The following CDHR3 variants were observed in gnomAD, a reference collection of about 807,000 sequenced individuals.
CDHR3 encodes cadherin related family member 3, also known as cadherin-related family member 3.
CDHR3 carries 79 observed loss-of-function variants against 86.6 expected under a neutral mutation model. That is an observed-to-expected ratio of 0.91 (90% CI 0.76 to 1.10). CDHR3 has a LOEUF of 1.10. CDHR3 is among the 50% of genes least tolerant of loss of function. The pLI is 0.00. For synonymous variants in CDHR3, 421 were observed against 402.4 expected, an observed-to-expected ratio of 1.05 and a Z score of -0.55; for missense variants, 1,081 against 1,077.6, an observed-to-expected ratio of 1.00 and a Z score of -0.04.
At position 106,035,739 on chromosome 7, in the gene CDHR3, G is replaced by T. The variant is rs1360163339; in HGVS notation, c.*3042G>T. 6.6e-6 allele frequency: 1 copy of T among 152,148 alleles called. No homozygotes were observed. The highest frequency in any genetic ancestry group is 1.5e-5 in the Non-Finnish European group (1 of 68,036). The allele number at this position is 152,148 out of a possible 1,614,324, so 9.4% of individuals were successfully genotyped here. A position where few individuals can be genotyped will look rare whatever the true frequency, so the allele number is the denominator to read the frequency against. On this transcript the variant is annotated 3_prime_UTR_variant, in exon 19 of 19. Transcript: ENST00000317716. ...AGGAAGCAACCAATCAGAGACTGAAGTGGAGTTACAAAGGTCACGCTCCTG... is the reference window on the plus strand; with the variant it reads ...AGGAAGCAACCAATCAGAGACTGAATTGGAGTTACAAAGGTCACGCTCCTG...
chr7:106,004,809 A>C, intron 8 of CDHR3, 122 bp downstream of exon 8: 1 of 919,240 alleles, frequency 1.1e-6, no homozygotes, highest in Non-Finnish European at 1.7e-6. Context: ...CAGTAGAATA[A>C]ATCGATGTGA....
intron 1 of CDHR3, among the ~76,000 whole-genome samples, chr7:105,974,439 C>G (rs1411116038): frequency 2.6e-5 from 4 of 152,224 alleles, no homozygotes; most frequent in Non-Finnish European, 5.9e-5. Flanking sequence ...GGAAAACAAA[C>G]TCTTGTAAGC....
intron 4 of CDHR3, among the ~76,000 whole-genome samples, chr7:105,991,917 A>G (rs1300825033): frequency 1.3e-5 from 2 of 152,150 alleles, no homozygotes; most frequent in Non-Finnish European, 2.9e-5. Context: ...CCCTAGTATT[A>G]TTACTCTTTG....
chr7:105,997,717 A>G (rs1318675424), intron 6 of CDHR3, among the ~76,000 whole-genome samples: 1 of 152,120 alleles, frequency 6.6e-6, no homozygotes, highest in East Asian at 1.9e-4. Context: ...AAAGGGGAAA[A>G]TAATAAGTCC....
chr7:106,014,657 A>T (rs1039365047), intron 9 of CDHR3, among the ~76,000 whole-genome samples: 2 of 152,188 alleles, frequency 1.3e-5, no homozygotes, highest in African/African-American at 4.8e-5. Flanking sequence ...AAAACCAGTT[A>T]TGTGAATATG....
chr7:106,029,426 A>G (rs1467615529), intron 17 of CDHR3, among the ~76,000 whole-genome samples: 1 of 152,180 alleles, frequency 6.6e-6, no homozygotes, highest in Admixed American at 6.5e-5. Flanking sequence ...CCTCACCTGT[A>G]AAATGGGGGT....
chr7:106,032,401 GA>G lies in CDHR3; in HGVS notation c.2365del (p.Thr789HisfsTer17). On this transcript the variant is annotated frameshift_variant, in exon 19 of 19. Coordinates refer to ENST00000317716, the MANE Select transcript of CDHR3 (RefSeq NM_152750.5). LOFTEE classifies it high-confidence loss of function. ...TATTTTTTTTTCACTAGTGACCGGG[GA>G]AACATATGAATTCAACTCAAAAACT... ...DGEAIDPVTG[E>X]TYEFNSKTGA... is the part of the protein sequence containing the mutation. 1 of 1,606,002 alleles carries G rather than the reference GA, an allele frequency of 6.2e-7. No individual in the cohort carries two copies. Among genetic ancestry groups the G allele is most frequent in the African/African-American group, 1.3e-5 (1 of 74,692 alleles).
Position 106,003,989 on chromosome 7 carries a change from C to CAA in CDHR3, c.863-488_863-487dup, listed in dbSNP as rs55815648. Among the ~76,000 whole-genome samples the CAA allele has an allele frequency of 7.0e-3, 559 of 79,888 alleles. 6 individuals carry two copies. The highest frequency in any genetic ancestry group is 0.012 in the South Asian group (21 of 1,708). 52.4% of individuals were successfully genotyped at this position (79,888 alleles called of 152,430 possible). On this transcript the variant is annotated intron_variant, in intron 7 of 18. Coordinates refer to ENST00000317716, the MANE Select transcript of CDHR3 (RefSeq NM_152750.5). ...AGAAACTAAGGTAAACCAACCTAAC[C>CAA]AAAAAAAAAAAAAAAAAAAAAAGAA... is the stretch of plus-strand genomic sequence containing the variant.
intron 8 of CDHR3, among the ~76,000 whole-genome samples, chr7:106,009,370 C>A (rs903247602): frequency 1.3e-5 from 2 of 152,180 alleles, no homozygotes; most frequent in African/African-American, 4.8e-5. Flanking sequence ...GCTGAGAAGC[C>A]CTGACCTGCA....
intron 7 of CDHR3, 91 bp from the exon 8 acceptor site, chr7:106,004,407 T>G: frequency 1.0e-6 from 1 of 974,096 alleles, no homozygotes; most frequent in Non-Finnish European, 1.5e-6. Context: ...CTCTTCCTCA[T>G]GTTCGAATGG....
At chr7:106,016,250 C>A (rs976942400) in intron 11 of CDHR3, among the ~76,000 whole-genome samples, 1 of 152,210 alleles carries the variant, frequency 6.6e-6, no homozygotes, top group Non-Finnish European at 1.5e-5. Flanking sequence ...GGTTAAACTG[C>A]ATTTCTCAGA....
At position 106,024,411 on chromosome 7, in the gene CDHR3, AACGTTT is replaced by A; in HGVS notation, c.2110_2115del (p.Val704_Tyr705del). 1 of 1,613,944 alleles carries A rather than the reference AACGTTT, an allele frequency of 6.2e-7. No homozygotes were observed. The highest frequency in any genetic ancestry group is 8.5e-7 in the Non-Finnish European group (1 of 1,179,868). ...GGTCACCTATCAGGTCCTGAGGAAA[AACGTTT>A]ACTCTCCATCTGCATGGTACGTGCC... On this transcript the variant is annotated inframe_deletion, in exon 15 of 19. Coordinates refer to ENST00000317716, the MANE Select transcript of CDHR3 (RefSeq NM_152750.5).
In CDHR3 at chr7:105,996,339, T is replaced by C; in HGVS notation, c.698T>C (p.Val233Ala). Reference sequence around the variant, plus strand: ...AACATCGTGAACCTCAACGACGAAGTCCCTCGCTTTACCAGGTAGGCCTGA... The same window carrying C: ...AACATCGTGAACCTCAACGACGAAGCCCCTCGCTTTACCAGGTAGGCCTGA... The part of the protein sequence containing the change: ...QVNIVNLNDE[V>A]PRFTSPTRVY... The change falls in exon 6 of 19, where the codon GTC becomes GCC. Residue 233 changes from valine (V) to alanine (A), a missense_variant. Transcript: ENST00000317716. 1 of 1,592,060 alleles carries C rather than the reference T, an allele frequency of 6.3e-7. No individual in the cohort carries two copies. The highest frequency in any genetic ancestry group is 8.6e-7 in the Non-Finnish European group (1 of 1,163,292).
rs200065621 is a variant in CDHR3, at chr7:106,022,423, C to G, written c.2051C>G (p.Thr684Ser). 1 of 1,613,950 alleles carries G rather than the reference C, an allele frequency of 6.2e-7. No individual in the cohort carries two copies. The highest frequency in any genetic ancestry group is 1.1e-5 in the South Asian group (1 of 91,078). Residue 684 changes from threonine to serine, a missense_variant, in exon 14 of 19, where the codon ACC becomes AGC. Thr to Ser is a moderately conservative substitution (Grantham distance 58). Transcript: ENST00000317716. ...AGTATTAAAGTCATTCCCCACCCAA[C>G]CACTATCATCACCACGACCCCCAGG... is the stretch of plus-strand genomic sequence containing the variant. ...TLSIKVIPHP[T>S]TIITTTPRPR...
At position 106,018,753 on chromosome 7, in the gene CDHR3, A is replaced by G. The variant is rs539402764; in HGVS notation, c.1653+681A>G. On this transcript the variant is annotated intron_variant, in intron 12 of 18. Transcript: ENST00000317716. ...TTTTGGAGTTATGCATTTCCTCCCCAGGAGCAGTTATGCCGTGTTCCTACC... is the reference window on the plus strand; with the variant it reads ...TTTTGGAGTTATGCATTTCCTCCCCGGGAGCAGTTATGCCGTGTTCCTACC... Among the ~76,000 whole-genome samples the G allele has an allele frequency of 1.3e-4, 20 of 152,232 alleles. No individual in the cohort carries two copies. The South Asian group carries it at 3.5e-3, about 27-fold the overall frequency.
intron 8 of CDHR3, among the ~76,000 whole-genome samples, chr7:106,011,943 GC>G (rs1296382236): frequency 6.6e-6 from 1 of 152,180 alleles, no homozygotes; most frequent in Non-Finnish European, 1.5e-5. Context: ...GCCCTTCTAG[GC>G]CATTGAAGCC....
chr7:106,027,479 T>C (rs1837536833), intron 16 of CDHR3, among the ~76,000 whole-genome samples: 1 of 151,732 alleles, frequency 6.6e-6, no homozygotes, highest in Admixed American at 6.6e-5. Context: ...TAGGTTAGAC[T>C]AGTGAGAAGG....
intron 1 of CDHR3, among the ~76,000 whole-genome samples, chr7:105,967,701 G>A (rs1403777581): frequency 6.6e-6 from 1 of 152,144 alleles, no homozygotes; most frequent in African/African-American, 2.4e-5. Flanking sequence ...TTCTCTGATG[G>A]CCAGTGATAA....
intron 4 of CDHR3, among the ~76,000 whole-genome samples, chr7:105,986,745 G>C (rs1015086913): frequency 1.3e-5 from 2 of 152,098 alleles, no homozygotes; most frequent in African/African-American, 2.4e-5. Context: ...CTGGTTGTAG[G>C]GTCTGGAATC....
Sources: allele counts gnomAD v4.1 joint callset (sites outside exome capture counted in the v4.1 genomes callset), GRCh38; gene constraint gnomAD v4.1.1; transcripts MANE v1.5; gene names NCBI Gene and HGNC (gene_info 2026-07-23, HGNC 2026-07-21).